FNBP4: variants seen among roughly 807,000 people sequenced by gnomAD.
FNBP4 encodes formin-binding protein 4.
Under a neutral mutation model 119.3 loss-of-function variants are expected in FNBP4, and 34 were observed. The ratio of observed to expected loss-of-function variants is 0.28; its 90% CI spans 0.22 to 0.38. FNBP4 has a LOEUF of 0.38. Among genes scored for constraint, FNBP4 ranks in the 10% least tolerant of loss-of-function variants. The probability of loss-of-function intolerance (pLI) is 1.00; values close to 1 mark genes in which losing one functional copy is unlikely to be tolerated. For missense variants in FNBP4, 1,112 were observed against 1,228.9 expected (o/e 0.90, Z 1.42); for synonymous variants, 462 against 430.6 (o/e 1.07, Z -0.90).
Position 47,765,307 on chromosome 11 carries a change from T to C in FNBP4, c.276A>G (p.Pro92=), listed in dbSNP as rs752870321. 1 of 1,612,540 alleles carries C rather than the reference T, an allele frequency of 6.2e-7. No individual in the cohort carries two copies. The highest frequency in any genetic ancestry group is 8.5e-7 in the Non-Finnish European group (1 of 1,179,518). Residue 92 remains proline, a synonymous_variant, in exon 2 of 17, where the codon CCA becomes CCG. Transcript: ENST00000263773. The part of the protein sequence containing the change: ...VPRVVQNPPK[P]VMTTRPTAVK... ...CAGCTGTGGGTCTAGTGGTCATGAC[T>C]GGTTTTGGAGGATTCTGAACAACTC...
intron 6 of FNBP4, 145 bp downstream of exon 6, chr11:47,750,771 T>C: frequency 3.5e-6 from 2 of 570,998 alleles, no homozygotes; most frequent in Non-Finnish European, 5.5e-6. Flanking sequence ...GGCTACATAA[T>C]ACACAGAAAC....
At chr11:47,740,274 G>A (rs144670504) in intron 8 of FNBP4, among the ~76,000 whole-genome samples, 291 of 151,936 alleles carry the variant, frequency 1.9e-3, no homozygotes, top group Middle Eastern at 0.014. Flanking sequence ...AATTAGCTGC[G>A]CAAGGTGGCG....
intron 2 of FNBP4, among the ~76,000 whole-genome samples, chr11:47,762,357 G>A (rs1311227391): frequency 6.6e-6 from 1 of 151,536 alleles, no homozygotes; most frequent in Non-Finnish European, 1.5e-5. Flanking sequence ...TTGAACTCCC[G>A]ACCTTGTCAT....
At chr11:47,761,080 A>G (rs2097633282) in intron 2 of FNBP4, among the ~76,000 whole-genome samples, 1 of 152,218 alleles carries the variant, frequency 6.6e-6, no homozygotes, top group Non-Finnish European at 1.5e-5. Flanking sequence ...GACATACCTG[A>G]TTTATTACCA....
chr11:47,762,771 A>G (rs887597196), intron 2 of FNBP4, among the ~76,000 whole-genome samples: 37 of 151,638 alleles, frequency 2.4e-4, no homozygotes, highest in African/African-American at 8.5e-4. Context: ...TTAGCTGGGC[A>G]TGGTGGCGTG....
intron 7 of FNBP4, 132 bp downstream of exon 7, chr11:47,745,924 A>G (rs2135195088): frequency 1.3e-6 from 1 of 759,900 alleles, no homozygotes; most frequent in Non-Finnish European, 2.1e-6. Context: ...TTTTTGCTGC[A>G]TAAGCTTCAA....
chr11:47,733,436 A>G (rs1235233558), intron 10 of FNBP4, among the ~76,000 whole-genome samples: 1 of 152,012 alleles, frequency 6.6e-6, no homozygotes, highest in African/African-American at 2.4e-5. Flanking sequence ...CCTGGGTTCA[A>G]GCGATTCTCC....
chr11:47,749,361 A>G (rs988921224), intron 6 of FNBP4, among the ~76,000 whole-genome samples: 4 of 151,946 alleles, frequency 2.6e-5, no homozygotes, highest in Admixed American at 2.6e-4. Flanking sequence ...TCAGGAGTTC[A>G]AGACCAGCTT....
chr11:47,731,844 A>G (rs1401817432), intron 11 of FNBP4: 17 of 1,104,368 alleles, frequency 1.5e-5, no homozygotes, highest in Non-Finnish European at 1.9e-5. Flanking sequence ...TGATTTGCCA[A>G]TGCATAACAG....
intron 12 of FNBP4, chr11:47,729,924 T>C: frequency 3.0e-6 from 3 of 985,416 alleles, no homozygotes; most frequent in Non-Finnish European, 3.6e-6. Flanking sequence ...ATATAACCTG[T>C]TTTATCAGTG....
At position 47,722,857 on chromosome 11, in the gene FNBP4, C is replaced by A. The variant is rs780023752; in HGVS notation, c.2805+119G>T. On this transcript the variant is annotated intron_variant, in intron 15 of 16. Transcript: ENST00000263773. ...CTGCCCGCCTCGGCCTCCCAAAGTG[C>A]TGGGATTACAGGCTTAAGCCACAGT... 269 of 1,193,588 alleles carry A rather than the reference C, an allele frequency of 2.3e-4. 1 individual carries two copies. Among genetic ancestry groups the A allele is most frequent in the Admixed American group, 1.4e-3 (48 of 34,324 alleles). 73.9% of individuals were successfully genotyped at this position (1,193,588 alleles called of 1,614,324 possible).
chr11:47,760,392 G>A (rs1380715376), intron 2 of FNBP4, among the ~76,000 whole-genome samples: 1 of 150,288 alleles, frequency 6.7e-6, no homozygotes, highest in Non-Finnish European at 1.5e-5. Flanking sequence ...CTACCAAGTA[G>A]TTGGGATTAC....
chr11:47,720,306 A>C (rs1024022331), intron 15 of FNBP4, among the ~76,000 whole-genome samples: 6 of 152,174 alleles, frequency 3.9e-5, no homozygotes, highest in South Asian at 2.1e-4. Flanking sequence ...CGGTGGCTCA[A>C]GCCTGTAATC....
intron 2 of FNBP4, among the ~76,000 whole-genome samples, chr11:47,758,866 C>G (rs539785963): frequency 2.5e-3 from 364 of 148,414 alleles, no homozygotes; most frequent in Middle Eastern, 0.014. Context: ...TAAAAAAAAG[C>G]GGGGGGGAAA....
intron 6 of FNBP4, among the ~76,000 whole-genome samples, chr11:47,746,603 C>G (rs2097590829): frequency 6.6e-6 from 1 of 152,152 alleles, no homozygotes; most frequent in Admixed American, 6.6e-5. Context: ...CAACCTCTGC[C>G]TCCCAGGTTC....
chr11:47,719,584 G>C (rs1212712822), intron 16 of FNBP4, among the ~76,000 whole-genome samples: 1 of 53,846 alleles, frequency 1.9e-5, no homozygotes, highest in African/African-American at 4.1e-5. Flanking sequence ...GTATGTGTGT[G>C]TGTGTGTGTG....
intron 12 of FNBP4, among the ~76,000 whole-genome samples, chr11:47,727,615 G>T (rs1353537001): frequency 6.6e-6 from 1 of 151,978 alleles, no homozygotes; most frequent in Non-Finnish European, 1.5e-5. Flanking sequence ...TTGTTATGAG[G>T]TCAGCACATT....
intron 6 of FNBP4, among the ~76,000 whole-genome samples, chr11:47,747,998 T>G (rs2097594177): frequency 6.6e-6 from 1 of 151,740 alleles, no homozygotes. Context: ...ATCCCAGCAC[T>G]TTGGGAGGCC....
rs1247068504 is a variant in FNBP4, at chr11:47,746,171, T to C, written c.1130A>G (p.Asp377Gly). ...CTCCTGAGAAGGGTCTTCTATATTG[T>C]CCAACATAATTTCCTGTGGCTTTAC... Reference protein sequence around the residue: ...TIVKPQEIMLDNIEDPSQEDL... With the variant: ...TIVKPQEIMLGNIEDPSQEDL... The change falls in exon 7 of 17, where the codon GAC becomes GGC. Residue 377 changes from aspartate (D) to glycine (G), a missense_variant. Asp to Gly is a moderately conservative substitution (Grantham distance 94). This residue lies in a region of FNBP4 where 826 missense variants were observed against 988.8 expected (regional missense o/e 0.84). Coordinates refer to ENST00000263773, the MANE Select transcript of FNBP4 (RefSeq NM_015308.5). 1.2e-6 allele frequency: 2 copies of C among 1,614,226 alleles called. No homozygotes were observed. Among genetic ancestry groups the C allele is most frequent in the Admixed American group, 3.3e-5 (2 of 60,022 alleles).
Sources: allele counts gnomAD v4.1 joint callset (sites outside exome capture counted in the v4.1 genomes callset), GRCh38; gene constraint gnomAD v4.1.1; regional missense constraint gnomAD v4.1.1; transcripts MANE v1.5; gene names NCBI Gene and HGNC (gene_info 2026-07-23, HGNC 2026-07-21).